CASK: variants seen among roughly 807,000 people sequenced by gnomAD.
CASK encodes peripheral plasma membrane protein CASK.
Under a neutral mutation model 82.9 loss-of-function variants are expected in CASK, and 4 were observed. That is an observed-to-expected ratio of 0.05 (90% CI 0.02 to 0.11). The LOEUF (loss-of-function observed/expected upper bound fraction) is 0.11. Ranked by LOEUF, CASK falls within the 10% of genes least tolerant of loss-of-function variation. The pLI is 1.00. For synonymous variants in CASK, 259 were observed against 253.5 expected (o/e 1.02, Z -0.20); for missense variants, 358 against 720.9 (o/e 0.50, Z 5.76).
At chrX:41,899,069 T>C (rs999198481) in intron 1 of CASK, among the ~76,000 whole-genome samples, 41 of 111,890 alleles carry the variant, frequency 3.7e-4, no homozygotes, top group African/African-American at 1.3e-3. Flanking sequence ...CTTCTATTAA[T>C]ATTTGCTTTA....
At chrX:41,777,114 A>G (rs993185591) in intron 3 of CASK, among the ~76,000 whole-genome samples, 2 of 112,257 alleles carry the variant, frequency 1.8e-5, no homozygotes, top group African/African-American at 6.5e-5. Flanking sequence ...CTACATAGCA[A>G]TAAAATAAAG....
intron 1 of CASK, among the ~76,000 whole-genome samples, chrX:41,869,644 C>T (rs2071658074): frequency 9.4e-6 from 1 of 106,664 alleles, no homozygotes; most frequent in South Asian, 4.2e-4. Context: ...GAATCCATGC[C>T]TCTACTGAAA....
At chrX:41,603,205 C>T (rs1253679969) in intron 12 of CASK, among the ~76,000 whole-genome samples, 1 of 112,338 alleles carries the variant, frequency 8.9e-6, no homozygotes. Flanking sequence ...GATTGGCAAT[C>T]TCTTTAAATA....
intron 12 of CASK, among the ~76,000 whole-genome samples, chrX:41,601,146 G>T (rs926228482): frequency 9.0e-6 from 1 of 111,306 alleles, no homozygotes; most frequent in Non-Finnish European, 1.9e-5. Flanking sequence ...CATTTAGTTG[G>T]GAAAGATGAA....
chrX:41,787,400 G>A, intron 2 of CASK, 117 bp from the exon 3 acceptor site: 1 of 528,499 alleles, frequency 1.9e-6, no homozygotes, highest in Non-Finnish European at 3.4e-6. Flanking sequence ...CTAGAGAGAT[G>A]AAATCCCCCA....
At chrX:41,899,715 T>C (rs143577432) in intron 1 of CASK, among the ~76,000 whole-genome samples, 1 of 112,247 alleles carries the variant, frequency 8.9e-6, no homozygotes, top group African/African-American at 3.2e-5. Context: ...CTTGTATATA[T>C]TGCATATCAA....
intron 3 of CASK, among the ~76,000 whole-genome samples, chrX:41,761,698 C>CA (rs1321068581): frequency 1.1e-4 from 12 of 111,771 alleles, no homozygotes; most frequent in African/African-American, 3.9e-4. Context: ...GAGAATATCC[C>CA]ATATGCCCAT....
At chrX:41,686,547 C>T (rs1306953490) in intron 5 of CASK, among the ~76,000 whole-genome samples, 1 of 111,028 alleles carries the variant, frequency 9.0e-6, no homozygotes, top group Admixed American at 9.6e-5. Context: ...TAAGAACATA[C>T]ATTTCTAACA....
At chrX:41,767,134 C>T (rs769568190) in intron 3 of CASK, among the ~76,000 whole-genome samples, 40 of 111,649 alleles carry the variant, frequency 3.6e-4, no homozygotes, top group Non-Finnish European at 7.1e-4. Flanking sequence ...TTTAGATTGA[C>T]GTAAAAGTTG....
At chrX:41,808,170 G>T (rs773239803) in intron 2 of CASK, among the ~76,000 whole-genome samples, 7 of 111,841 alleles carry the variant, frequency 6.3e-5, no homozygotes, top group African/African-American at 2.3e-4. Context: ...CCTCTTAAAG[G>T]ATCCAGCACC....
intron 5 of CASK, 77 bp from the exon 6 acceptor site, chrX:41,671,607 G>A: frequency 3.2e-6 from 2 of 620,152 alleles, no homozygotes; most frequent in South Asian, 2.3e-5. Flanking sequence ...GAACAATGCA[G>A]TTTACATAAA....
At chrX:41,849,896 G>A (rs1246789441) in intron 2 of CASK, among the ~76,000 whole-genome samples, 1 of 112,321 alleles carries the variant, frequency 8.9e-6, no homozygotes, top group Non-Finnish European at 1.9e-5. Context: ...GTAAATTTGT[G>A]GGCTGGGAGT....
intron 5 of CASK, among the ~76,000 whole-genome samples, chrX:41,700,225 A>T (rs2067766323): frequency 9.0e-6 from 1 of 111,696 alleles, no homozygotes; most frequent in South Asian, 3.7e-4. Flanking sequence ...CTCTTCCAGT[A>T]CAGTTTTATT....
intron 8 of CASK, among the ~76,000 whole-genome samples, chrX:41,643,254 C>A (rs954361937): frequency 1.8e-5 from 2 of 111,596 alleles, no homozygotes; most frequent in African/African-American, 3.3e-5. Flanking sequence ...CTTGGCAATG[C>A]GGGCTCTTTT....
Position 41,598,996 on chromosome X carries a change from A to G in CASK, c.1156-9404T>C, listed in dbSNP as rs751231598. 4.6e-3 allele frequency among the ~76,000 whole-genome samples: 510 copies of G among 111,932 alleles called. 3 individuals carry two copies. Among genetic ancestry groups the G allele is most frequent in the African/African-American group, 0.016 (489 of 30,802 alleles). ...ATTTTGAAAATTTTACAAATCTTAC[A>G]CTAAATTTGTTTCTCATCTTAAAAA... On this transcript the variant is annotated intron_variant, in intron 12 of 26. Coordinates refer to ENST00000378163, the MANE Select transcript of CASK (RefSeq NM_001367721.1).
intron 2 of CASK, among the ~76,000 whole-genome samples, chrX:41,793,713 T>C (rs1169255404): frequency 8.9e-6 from 1 of 112,016 alleles, no homozygotes; most frequent in Non-Finnish European, 1.9e-5. Context: ...TTCATTTCAA[T>C]AAATATTAAT....
intron 16 of CASK, among the ~76,000 whole-genome samples, chrX:41,564,535 T>A (rs1213326779): frequency 9.0e-6 from 1 of 111,289 alleles, no homozygotes; most frequent in Non-Finnish European, 1.9e-5. Context: ...AACTTTAGAT[T>A]CCGTTTAAAA....
chrX:41,582,834 C>G (rs2065601486), intron 14 of CASK, among the ~76,000 whole-genome samples: 1 of 111,998 alleles, frequency 8.9e-6, no homozygotes, highest in Non-Finnish European at 1.9e-5. Context: ...TTTCCCCTAT[C>G]TAAAGCAGCT....
At chrX:41,537,913 C>G (rs2064897689) in intron 22 of CASK, among the ~76,000 whole-genome samples, 1 of 108,339 alleles carries the variant, frequency 9.2e-6, no homozygotes, top group African/African-American at 3.3e-5. Flanking sequence ...GGGATCTTGG[C>G]TCACTGCAGC....
Sources: gnomAD v4.1 joint callset for allele counts (sites outside exome capture counted in the v4.1 genomes callset) on GRCh38, gnomAD v4.1.1 for gene constraint, MANE v1.5 for transcripts, NCBI Gene and HGNC (gene_info 2026-07-23, HGNC 2026-07-21) for gene names.